Variants in C1orf87 observed in about 807,000 individuals in gnomAD.
C1orf87 encodes the protein chromosome 1 open reading frame 87, also known as uncharacterized protein C1orf87.
C1orf87 carries 58 observed loss-of-function variants against 60.5 expected under a neutral mutation model. The observed-to-expected ratio is 0.96, with a 90% CI of 0.78 to 1.19. C1orf87 has a LOEUF of 1.19. Among genes scored for constraint, C1orf87 ranks in the 50% most tolerant of loss-of-function variants. The pLI is 0.00. For missense variants in C1orf87, 673 were observed against 638.6 expected (o/e 1.05, Z -0.58); for synonymous variants, 236 against 227.4 (o/e 1.04, Z -0.34).
intron 8 of C1orf87, among the ~76,000 whole-genome samples, chr1:60,016,174 C>A (rs1645122891): frequency 6.6e-6 from 1 of 152,158 alleles, no homozygotes; most frequent in African/African-American, 2.4e-5. Context: ...AAGTAAGAGT[C>A]AAAGAAGCCT....
chr1:60,048,088 C>T (rs75510545), intron 3 of C1orf87, among the ~76,000 whole-genome samples: 44 of 152,162 alleles, frequency 2.9e-4, no homozygotes, highest in African/African-American at 1.1e-3. Flanking sequence ...GTCTATGTGA[C>T]CAGTGGAATA....
chr1:60,025,792 A>T (rs1645194777), intron 7 of C1orf87, among the ~76,000 whole-genome samples: 1 of 152,212 alleles, frequency 6.6e-6, no homozygotes, highest in South Asian at 2.1e-4. Flanking sequence ...TTTATCAGCC[A>T]TGGAAGGGGT....
chr1:60,046,119 T>G (rs1378593906), intron 3 of C1orf87, among the ~76,000 whole-genome samples: 1 of 151,416 alleles, frequency 6.6e-6, no homozygotes, highest in African/African-American at 2.4e-5. Flanking sequence ...TTTCCTCTTT[T>G]CCTTACATCT....
chr1:60,039,867 A>C, intron 5 of C1orf87, 50 bp downstream of exon 5: 2 of 1,561,978 alleles, frequency 1.3e-6, no homozygotes, highest in Non-Finnish European at 1.7e-6. Flanking sequence ...TGTGGGTACA[A>C]GTTAAGGAAA....
chr1:60,053,803 G>T (rs1234903254), intron 3 of C1orf87, among the ~76,000 whole-genome samples: 1 of 151,456 alleles, frequency 6.6e-6, no homozygotes, highest in Non-Finnish European at 1.5e-5. Flanking sequence ...TTTAAGTAAA[G>T]AAAAAAAAGA....
At position 60,055,409 on chromosome 1, in the gene C1orf87, G is replaced by T. The variant is rs756418793; in HGVS notation, c.137C>A (p.Thr46Asn). 3.0e-5 allele frequency: 48 copies of T among 1,613,916 alleles called. No homozygotes were observed. Among genetic ancestry groups the T allele is most frequent in the Non-Finnish European group, 4.1e-5 (48 of 1,180,006 alleles). Residue 46 changes from threonine (T) to asparagine (N), a missense_variant, in exon 3 of 12, where the codon ACC (threonine) becomes AAC (asparagine). Physicochemically the swap from Thr to Asn is moderately conservative, Grantham distance 65. Transcript: ENST00000371201. ...CATTGGTTTCTGGTGCATTGTTTGGGTTTCTGTTTTCAAGCTGTCATTCTC... is the reference window on the plus strand; with the variant it reads ...CATTGGTTTCTGGTGCATTGTTTGGTTTTCTGTTTTCAAGCTGTCATTCTC... ...IKENDSLKTE[T>N]QTMHQKPMTD...
At chr1:59,992,889 C>T (rs370555705) in intron 11 of C1orf87, among the ~76,000 whole-genome samples, 2 of 152,076 alleles carry the variant, frequency 1.3e-5, no homozygotes, top group African/African-American at 4.8e-5. Context: ...TATTTATTGT[C>T]TGTCTCTCTT....
intron 2 of C1orf87, among the ~76,000 whole-genome samples, chr1:60,068,320 A>G (rs1645562582): frequency 6.6e-6 from 1 of 152,192 alleles, no homozygotes; most frequent in Non-Finnish European, 1.5e-5. Context: ...ATTTCTGTTT[A>G]TTTAATCTTG....
rs117662572 is a variant in C1orf87, at chr1:60,008,775, C to T, written c.1192+1617G>A. On this transcript the variant is annotated intron_variant, in intron 9 of 11. Coordinates refer to ENST00000371201, the MANE Select transcript of C1orf87 (RefSeq NM_152377.3). ...TGGTCTCCTCATTGAAAATATGATG[C>T]TTTGTAAGAGATCCAAGTGCAGCCA... 973 of 438,570 alleles carry T rather than the reference C, an allele frequency of 2.2e-3. 10 individuals are homozygous for T. Among genetic ancestry groups the T allele is most frequent in the East Asian group, 0.012 (168 of 13,992 alleles). 27.2% of individuals were successfully genotyped at this position (438,570 alleles called of 1,614,324 possible). A position where few individuals can be genotyped will look rare whatever the true frequency, so the allele number is the denominator to read the frequency against.
intron 1 of C1orf87, 144 bp from the exon 2 acceptor site, chr1:60,072,814 G>A (rs1574334956): frequency 1.8e-6 from 1 of 552,342 alleles, no homozygotes; most frequent in East Asian, 3.0e-5. Flanking sequence ...ACAAAGGCAT[G>A]AGAAAGATAT....
rs753141521 is a variant in C1orf87 at position 60,001,147 on chromosome 1, T to G, written c.1202A>C (p.Glu401Ala). ...CATTGGAGGGGCAGGGGCTTTCTTTTCATTCTTCCCTGAACAAGAATAAAA... is the reference window on the plus strand; with the variant it reads ...CATTGGAGGGGCAGGGGCTTTCTTTGCATTCTTCCCTGAACAAGAATAAAA... Reference protein sequence around the residue: ...LLSDLPTGKNEKKAPAPPMEP... With the variant: ...LLSDLPTGKNAKKAPAPPMEP... Residue 401 changes from glutamate (E) to alanine (A), a missense_variant, in exon 10 of 12, where the codon GAA (glutamate) becomes GCA (alanine). Physicochemically the swap from Glu to Ala is moderately radical, Grantham distance 107. Transcript: ENST00000371201. 2 of 1,575,740 alleles carry G rather than the reference T, an allele frequency of 1.3e-6. No individual in the cohort carries two copies. Among genetic ancestry groups the G allele is most frequent in the Non-Finnish European group, 1.7e-6 (2 of 1,166,914 alleles).
intron 8 of C1orf87, among the ~76,000 whole-genome samples, chr1:60,014,846 C>T (rs1444077227): frequency 2.0e-5 from 3 of 152,178 alleles, no homozygotes; most frequent in Admixed American, 6.6e-5. Flanking sequence ...CCGTCTCTTA[C>T]CTGGTTAGCT....
Position 60,001,075 on chromosome 1 carries a change from A to T in C1orf87, c.1272+2T>A. ...CAAACTCTATATACCCCAGGTGCAT[A>T]CCATATGTTCAGTTTTGCTTTGAGA... On this transcript the variant is annotated splice_donor_variant, in intron 10 of 11. Transcript: ENST00000371201. LOFTEE classifies it high-confidence loss of function. 7 of 1,607,714 alleles carry T rather than the reference A, an allele frequency of 4.4e-6. No individual in the cohort carries two copies. Among genetic ancestry groups the T allele is most frequent in the Non-Finnish European group, 6.0e-6 (7 of 1,175,696 alleles).
chr1:60,055,115 G>A (rs1164099458), intron 3 of C1orf87, 89 bp downstream of exon 3: 1 of 1,139,174 alleles, frequency 8.8e-7, no homozygotes, highest in Non-Finnish European at 1.3e-6. Flanking sequence ...ATGAACATTT[G>A]TACAGTGTGT....
chr1:60,063,435 G>C (rs891677075), intron 2 of C1orf87, among the ~76,000 whole-genome samples: 2 of 152,110 alleles, frequency 1.3e-5, no homozygotes, highest in Non-Finnish European at 2.9e-5. Context: ...GACAGAAGCA[G>C]CCTTTAGAAA....
chr1:60,003,661 C>T (rs1214128338), intron 9 of C1orf87, among the ~76,000 whole-genome samples: 3 of 151,962 alleles, frequency 2.0e-5, no homozygotes, highest in African/African-American at 7.2e-5. Flanking sequence ...GAAAGTTCTC[C>T]CTCAGTTTCT....
rs1348475731 is a variant in C1orf87, at chr1:59,997,092, G to A, written c.1480+517C>T. On this transcript the variant is annotated intron_variant, in intron 11 of 11. Transcript: ENST00000371201. ...GGGGACAAGATGGGGAGTTCGTGGGGGTTGGGGTAAGTAGAGAGGAAACAA... is the reference window on the plus strand; with the variant it reads ...GGGGACAAGATGGGGAGTTCGTGGGAGTTGGGGTAAGTAGAGAGGAAACAA... Among the ~76,000 whole-genome samples, 3 of 152,118 alleles carry A rather than the reference G, an allele frequency of 2.0e-5. No individual in the cohort carries two copies. In the East Asian group the frequency reaches 5.8e-4, roughly 29 times the overall value.
At chr1:60,036,673 T>A (rs997885080) in intron 6 of C1orf87, among the ~76,000 whole-genome samples, 1 of 152,126 alleles carries the variant, frequency 6.6e-6, no homozygotes, top group Non-Finnish European at 1.5e-5. Context: ...GCAAAGACAA[T>A]AGTTGAGGCC....
intron 9 of C1orf87, among the ~76,000 whole-genome samples, chr1:60,006,564 C>T (rs1021701876): frequency 6.6e-6 from 1 of 151,914 alleles, no homozygotes; most frequent in African/African-American, 2.4e-5. Context: ...TTTCCCTTGT[C>T]AGCAGTCATA....
Sources: allele counts gnomAD v4.1 joint callset (sites outside exome capture counted in the v4.1 genomes callset), GRCh38; gene constraint gnomAD v4.1.1; transcripts MANE v1.5; gene names NCBI Gene and HGNC (gene_info 2026-07-23, HGNC 2026-07-21).